Variants in GALNT13 observed in about 807,000 individuals in gnomAD.
The protein encoded by GALNT13 is polypeptide N-acetylgalactosaminyltransferase 13.
In GALNT13, 28 loss-of-function variants were observed where a neutral mutation model predicts 64.2. The observed-to-expected ratio is 0.44, with a 90% CI of 0.32 to 0.60. The LOEUF is 0.60. Among genes scored for constraint, GALNT13 ranks in the 20% least tolerant of loss-of-function variants. The probability of loss-of-function intolerance (pLI) is 0.05; values close to 1 mark genes in which losing one functional copy is unlikely to be tolerated. For synonymous variants in GALNT13, 214 were observed against 224.6 expected, an observed-to-expected ratio of 0.95 and a Z score of 0.42; for missense variants, 577 against 669.8, an observed-to-expected ratio of 0.86 and a Z score of 1.53.
chr2:154,034,944 T>C (rs964580035), intron 3 of GALNT13, among the ~76,000 whole-genome samples: 1 of 152,120 alleles, frequency 6.6e-6, no homozygotes, highest in African/African-American at 2.4e-5. Flanking sequence ...GGAAATGGAA[T>C]ACTTATACAC....
At chr2:154,222,984 T>A (rs1353131091) in intron 4 of GALNT13, among the ~76,000 whole-genome samples, 1 of 152,118 alleles carries the variant, frequency 6.6e-6, no homozygotes, top group Non-Finnish European at 1.5e-5. Context: ...CCAGCTCTAG[T>A]TCAGAGTTCA....
chr2:154,084,168 A>G (rs1701415137), intron 3 of GALNT13, among the ~76,000 whole-genome samples: 1 of 151,942 alleles, frequency 6.6e-6, no homozygotes, highest in Non-Finnish European at 1.5e-5. Context: ...TTTCAACTAT[A>G]AATTTCACTT....
intron 3 of GALNT13, among the ~76,000 whole-genome samples, chr2:154,107,334 C>T (rs1702675977): frequency 6.6e-6 from 1 of 152,094 alleles, no homozygotes; most frequent in African/African-American, 2.4e-5. Flanking sequence ...GTGGCTCATG[C>T]CTGTGATCCC....
chr2:153,392,757 A>C, the GALNT13 span, among the ~76,000 whole-genome samples: 1 of 151,888 alleles, frequency 6.6e-6, no homozygotes, highest in Non-Finnish European at 1.5e-5. Context: ...TCTTCAGACA[A>C]ATCTTGTGCT....
chr2:153,168,970 C>G, the GALNT13 span, among the ~76,000 whole-genome samples: 1 of 152,130 alleles, frequency 6.6e-6, no homozygotes, highest in South Asian at 2.1e-4. Context: ...TACACTCCTC[C>G]TACCAGCTGT....
At chr2:153,253,547 A>T in the GALNT13 span, among the ~76,000 whole-genome samples, 1 of 148,000 alleles carries the variant, frequency 6.8e-6, no homozygotes, top group East Asian at 1.9e-4. Flanking sequence ...GTCTTGTGCC[A>T]GTTTTCAAAG....
the GALNT13 span, among the ~76,000 whole-genome samples, chr2:153,268,004 A>G: frequency 2.6e-5 from 4 of 152,124 alleles, no homozygotes; most frequent in African/African-American, 9.7e-5. Flanking sequence ...TTGGGTAGGG[A>G]CACAGAGCCA....
the GALNT13 span, among the ~76,000 whole-genome samples, chr2:153,601,320 G>C: frequency 6.6e-6 from 1 of 151,508 alleles, no homozygotes; most frequent in South Asian, 2.1e-4. Flanking sequence ...AGTAATGATG[G>C]CAAAATATTG....
chr2:153,743,364 G>A, the GALNT13 span, among the ~76,000 whole-genome samples: 5 of 152,100 alleles, frequency 3.3e-5, no homozygotes, highest in Non-Finnish European at 7.4e-5. Flanking sequence ...ACGTGGAAGT[G>A]CAGACATCTC....
At chr2:153,587,028 T>C in the GALNT13 span, among the ~76,000 whole-genome samples, 8 of 152,158 alleles carry the variant, frequency 5.3e-5, no homozygotes, top group East Asian at 1.5e-3. Context: ...GGTCAGGAGT[T>C]TGAGACCAGC....
chr2:153,284,094 G>A, the GALNT13 span, among the ~76,000 whole-genome samples: 2 of 152,192 alleles, frequency 1.3e-5, no homozygotes, highest in African/African-American at 4.8e-5. Flanking sequence ...AGCTCAGACT[G>A]CTGATTCAGA....
chr2:153,272,971 A>G, the GALNT13 span, among the ~76,000 whole-genome samples: 1 of 152,224 alleles, frequency 6.6e-6, no homozygotes, highest in Non-Finnish European at 1.5e-5. Flanking sequence ...TTGTAGGGAC[A>G]TGGATGAAGC....
the GALNT13 span, among the ~76,000 whole-genome samples, chr2:153,600,532 T>C: frequency 5.3e-5 from 8 of 151,970 alleles, no homozygotes; most frequent in South Asian, 8.3e-4. Flanking sequence ...TACATACTTA[T>C]GCAAGAGTTC....
At chr2:154,019,016 T>C (rs572772758) in intron 3 of GALNT13, among the ~76,000 whole-genome samples, 2 of 152,010 alleles carry the variant, frequency 1.3e-5, no homozygotes, top group South Asian at 4.2e-4. Flanking sequence ...AGTAAAGAGA[T>C]GTATGAAGAG....
chr2:154,362,002 T>C lies in GALNT13; in HGVS notation c.1157-33989T>C, dbSNP rs142395725. Among the ~76,000 whole-genome samples the C allele has an allele frequency of 4.5e-4, 68 of 152,212 alleles. 1 individual carries two copies. The East Asian group carries it at 9.7e-3, about 22-fold the overall frequency. ...TTTGCCCACAGTTCTTGGTAAAAGATCCTGCTACTACTGAGCCCAGTCCCA... is the reference window on the plus strand; with the variant it reads ...TTTGCCCACAGTTCTTGGTAAAAGACCCTGCTACTACTGAGCCCAGTCCCA... On this transcript the variant is annotated intron_variant, in intron 9 of 12. Transcript: ENST00000392825.
intron 3 of GALNT13, among the ~76,000 whole-genome samples, chr2:153,944,864 G>A (rs541292802): frequency 1.7e-4 from 26 of 152,230 alleles, no homozygotes; most frequent in African/African-American, 4.6e-4. Flanking sequence ...CTAAGATACC[G>A]TTCAACCTAA....
chr2:153,414,065 CT>C, the GALNT13 span, among the ~76,000 whole-genome samples: 2 of 151,978 alleles, frequency 1.3e-5, no homozygotes, highest in Non-Finnish European at 2.9e-5. Context: ...TTTAAACAAC[CT>C]TATTTCTTTG....
the GALNT13 span, among the ~76,000 whole-genome samples, chr2:153,231,282 A>G: frequency 3.9e-5 from 6 of 152,196 alleles, no homozygotes; most frequent in Non-Finnish European, 7.3e-5. Context: ...TAAAAAATAG[A>G]GGCAAATTAG....
chr2:154,250,687 A>G (rs1004761080), intron 7 of GALNT13, among the ~76,000 whole-genome samples: 4 of 152,222 alleles, frequency 2.6e-5, no homozygotes, highest in Middle Eastern at 3.4e-3. Context: ...AACATCTTAT[A>G]CAAATATAAG....
Sources: gnomAD v4.1 joint callset for allele counts (sites outside exome capture counted in the v4.1 genomes callset) on GRCh38, gnomAD v4.1.1 for gene constraint, MANE v1.5 for transcripts, NCBI Gene and HGNC (gene_info 2026-07-23, HGNC 2026-07-21) for gene names.